The following ARIH1 variants were observed in gnomAD, a reference collection of about 807,000 sequenced individuals.
ARIH1 encodes the protein E3 ubiquitin-protein ligase ARIH1.
Under a neutral mutation model 85.0 loss-of-function variants are expected in ARIH1, and 8 were observed. The observed-to-expected ratio is 0.09, with a 90% CI of 0.06 to 0.17. ARIH1 has a LOEUF of 0.17. ARIH1 is among the 10% of genes least tolerant of loss of function. The pLI is 1.00. For synonymous variants in ARIH1, 238 were observed against 253.6 expected, an observed-to-expected ratio of 0.94 and a Z score of 0.59; for missense variants, 311 against 718.1, an observed-to-expected ratio of 0.43 and a Z score of 6.48.
In ARIH1 at chr15:72,597,056, T is replaced by G. The variant is rs1450686028; in HGVS notation, c.*13764T>G. 2 of 152,136 alleles carry G rather than the reference T, an allele frequency of 1.3e-5. No individual in the cohort carries two copies. Among genetic ancestry groups the G allele is most frequent in the African/African-American group, 4.8e-5 (2 of 41,430 alleles). The allele number at this position is 152,136 out of a possible 1,614,324, so 9.4% of individuals were successfully genotyped here. ...CCTTCCTCTCCCTTACCATGAATCT[T>G]ATTTTCTTGCTTTTGCACGTCTTGT... is the stretch of plus-strand genomic sequence containing the variant. On this transcript the variant is annotated 3_prime_UTR_variant, in exon 14 of 14. Coordinates refer to ENST00000379887, the MANE Select transcript of ARIH1 (RefSeq NM_005744.5).
In ARIH1 at chr15:72,587,315, G is replaced by GTTA. The variant is rs79363602; in HGVS notation, c.*4024_*4025insTAT. The GTTA allele has an allele frequency of 1.9e-6, 1 of 515,122 alleles. No individual in the cohort carries two copies. The highest frequency in any genetic ancestry group is 4.0e-6 in the Non-Finnish European group (1 of 249,062). The allele number at this position is 515,122 out of a possible 1,614,324, so 31.9% of individuals were successfully genotyped here. ...AGGGAAGGTAGTTCTTAACTATATT[G>GTTA]TACTTTTAAACCACATTAAAGACTA... On this transcript the variant is annotated 3_prime_UTR_variant, in exon 14 of 14. Coordinates refer to ENST00000379887, the MANE Select transcript of ARIH1 (RefSeq NM_005744.5).
At chr15:72,516,345 T>C (rs747585793) in intron 1 of ARIH1, among the ~76,000 whole-genome samples, 1 of 152,206 alleles carries the variant, frequency 6.6e-6, no homozygotes, top group South Asian at 2.1e-4. Context: ...ATTTTACATA[T>C]AGCTAAATCT....
chr15:72,521,372 G>A (rs949963338), intron 2 of ARIH1, among the ~76,000 whole-genome samples: 3 of 151,856 alleles, frequency 2.0e-5, no homozygotes, highest in African/African-American at 7.3e-5. Context: ...AATATTTCTG[G>A]ATGTGAGTTT....
chr15:72,580,704 A>G (rs2064292171), intron 11 of ARIH1, 27 bp from the exon 12 acceptor site: 2 of 1,587,970 alleles, frequency 1.3e-6, no homozygotes, highest in Non-Finnish European at 1.7e-6. Flanking sequence ...TTATAATTAT[A>G]TCACCCAATT....
intron 6 of ARIH1, 140 bp downstream of exon 6, chr15:72,561,689 A>G (rs2064198077): frequency 1.7e-6 from 1 of 584,900 alleles, no homozygotes; most frequent in Non-Finnish European, 2.8e-6. Context: ...TATTCTCAAA[A>G]GAGTATGACA....
intron 11 of ARIH1, 106 bp downstream of exon 11, chr15:72,572,271 T>C (rs767984103): frequency 6.3e-6 from 5 of 797,328 alleles, no homozygotes; most frequent in African/African-American, 5.3e-5. Flanking sequence ...AGTGTCTCGC[T>C]TTGTCGCCCA....
intron 1 of ARIH1, among the ~76,000 whole-genome samples, chr15:72,509,331 G>A (rs1404664251): frequency 6.6e-6 from 1 of 152,082 alleles, no homozygotes; most frequent in Non-Finnish European, 1.5e-5. Flanking sequence ...AGGTGCTCCA[G>A]TGCAGGCTAG....
chr15:72,528,935 T>A (rs1595862193), intron 2 of ARIH1, among the ~76,000 whole-genome samples: 1 of 152,290 alleles, frequency 6.6e-6, no homozygotes, highest in South Asian at 2.1e-4. Flanking sequence ...GTGTGGTGGC[T>A]CATGCCTGTA....
chr15:72,601,573 C>T lies in ARIH1; in HGVS notation c.*18281C>T, dbSNP rs529832805. On this transcript the variant is annotated 3_prime_UTR_variant, in exon 14 of 14. Transcript: ENST00000379887. ...TCATCCCCTTTCCCTAAGCTAATGC[C>T]TTACCCTTTAGGTCTCATTTTAAAC... 6.6e-6 allele frequency: 1 copy of T among 152,286 alleles called. No individual in the cohort carries two copies. Among genetic ancestry groups the T allele is most frequent in the East Asian group, 1.9e-4 (1 of 5,190 alleles). 9.4% of individuals were successfully genotyped at this position (152,286 alleles called of 1,614,324 possible).
At chr15:72,508,730 A>G (rs1390361851) in intron 1 of ARIH1, among the ~76,000 whole-genome samples, 5 of 133,098 alleles carry the variant, frequency 3.8e-5, no homozygotes, top group South Asian at 2.3e-4. Flanking sequence ...GTCTCTCTCT[A>G]TCACCCAGGC....
At chr15:72,530,401 A>C (rs1265296133) in intron 2 of ARIH1, among the ~76,000 whole-genome samples, 2 of 152,276 alleles carry the variant, frequency 1.3e-5, no homozygotes, top group East Asian at 1.9e-4. Context: ...TAGAGGGGGA[A>C]GTTGGAATAT....
intron 6 of ARIH1, among the ~76,000 whole-genome samples, 192 bp from the exon 7 acceptor site, chr15:72,563,202 C>T (rs187374801): frequency 7.8e-4 from 119 of 152,254 alleles, no homozygotes; most frequent in African/African-American, 2.6e-3. Flanking sequence ...AGGCACATAC[C>T]ACCATGCCTG....
At chr15:72,552,660 A>AGT (rs759508787) in intron 3 of ARIH1, among the ~76,000 whole-genome samples, 3 of 152,092 alleles carry the variant, frequency 2.0e-5, no homozygotes, top group Non-Finnish European at 2.9e-5. Flanking sequence ...GTACTGTTAC[A>AGT]GTGTGTGTGT....
chr15:72,519,208 T>G (rs1335352063), intron 2 of ARIH1, among the ~76,000 whole-genome samples: 3 of 152,122 alleles, frequency 2.0e-5, no homozygotes, highest in Non-Finnish European at 4.4e-5. Flanking sequence ...TAGAAATAAA[T>G]GGAAAGTATT....
intron 1 of ARIH1, 109 bp downstream of exon 1, chr15:72,475,123 G>T: frequency 1.4e-6 from 2 of 1,460,330 alleles, no homozygotes; most frequent in Non-Finnish European, 1.8e-6. Flanking sequence ...GCCTAGCCCG[G>T]TGCCTCCCGG....
At chr15:72,495,422 G>A (rs532741650) in intron 1 of ARIH1, among the ~76,000 whole-genome samples, 1 of 152,218 alleles carries the variant, frequency 6.6e-6, no homozygotes, top group South Asian at 2.1e-4. Context: ...TGTCCAATAC[G>A]TCTTTTATAG....
At chr15:72,580,403 G>C (rs564890603) in intron 11 of ARIH1, among the ~76,000 whole-genome samples, 2 of 152,250 alleles carry the variant, frequency 1.3e-5, no homozygotes, top group East Asian at 3.9e-4. Context: ...AGAGTACAGA[G>C]ATACCTTTGA....
chr15:72,591,034 C>CT lies in ARIH1; in HGVS notation c.*7742_*7743insT, dbSNP rs1442972918. The CT allele has an allele frequency of 3.3e-5, 5 of 151,650 alleles. No homozygotes were observed. Among genetic ancestry groups the CT allele is most frequent in the African/African-American group, 1.2e-4 (5 of 41,252 alleles). 9.4% of individuals were successfully genotyped at this position (151,650 alleles called of 1,614,324 possible). A position where few individuals can be genotyped will look rare whatever the true frequency, so the allele number is the denominator to read the frequency against. Reference sequence around the variant, plus strand: ...GTCGGGAGTTCGAGACCAGCCTGGCCAACACAGTGAAACCTCATCTCTACT... The same window carrying CT: ...GTCGGGAGTTCGAGACCAGCCTGGCCTAACACAGTGAAACCTCATCTCTACT... On this transcript the variant is annotated 3_prime_UTR_variant, in exon 14 of 14. Transcript: ENST00000379887.
chr15:72,487,890 T>A (rs891179559), intron 1 of ARIH1, among the ~76,000 whole-genome samples: 9 of 152,228 alleles, frequency 5.9e-5, no homozygotes, highest in African/African-American at 2.2e-4. Context: ...ATAGCTAATT[T>A]TTTTCAATCT....
Sources: gnomAD v4.1 joint callset for allele counts (sites outside exome capture counted in the v4.1 genomes callset) on GRCh38, gnomAD v4.1.1 for gene constraint, MANE v1.5 for transcripts, NCBI Gene and HGNC (gene_info 2026-07-23, HGNC 2026-07-21) for gene names.